CYB5R3: variants seen among roughly 807,000 people sequenced by gnomAD.
The protein encoded by CYB5R3 is cytochrome b5 reductase 3, also known as NADH-cytochrome b5 reductase 3.
CYB5R3 carries 28 observed loss-of-function variants against 36.5 expected under a neutral mutation model. The ratio of observed to expected loss-of-function variants is 0.77; its 90% CI spans 0.57 to 1.05. The LOEUF is 1.05. Ranked by LOEUF, CYB5R3 falls within the 50% of genes least tolerant of loss-of-function variation. The probability of loss-of-function intolerance (pLI) is 0.00; values close to 1 mark genes in which losing one functional copy is unlikely to be tolerated. For missense variants in CYB5R3, 474 were observed against 408.9 expected (o/e 1.16, Z -1.37); for synonymous variants, 181 against 159.8 (o/e 1.13, Z -1.00).
intron 7 of CYB5R3, among the ~76,000 whole-genome samples, chr22:42,625,826 T>A (rs895556257): frequency 5.9e-5 from 9 of 152,210 alleles, no homozygotes; most frequent in Non-Finnish European, 1.3e-4. Flanking sequence ...CATATAATAC[T>A]GAGACACTGG....
chr22:42,641,147 G>A (rs755653839), intron 1 of CYB5R3, among the ~76,000 whole-genome samples: 4 of 151,312 alleles, frequency 2.6e-5, no homozygotes, highest in Non-Finnish European at 2.9e-5. Context: ...GAGCCACCAC[G>A]CCCGGCCCCT....
At chr22:42,638,405 A>AAAG (rs1371536893) in intron 1 of CYB5R3, among the ~76,000 whole-genome samples, 3 of 148,772 alleles carry the variant, frequency 2.0e-5, no homozygotes, top group African/African-American at 7.4e-5. Flanking sequence ...TCAAAAAAAA[A>AAAG]AAAAAAAAAA....
At chr22:42,642,318 T>C (rs1021393808) in intron 1 of CYB5R3, among the ~76,000 whole-genome samples, 10 of 152,196 alleles carry the variant, frequency 6.6e-5, no homozygotes, top group Admixed American at 5.2e-4. Flanking sequence ...TTCACCATGT[T>C]GCCCAGGCTA....
At chr22:42,648,382 G>A (rs573073088) in intron 1 of CYB5R3, among the ~76,000 whole-genome samples, 2 of 152,288 alleles carry the variant, frequency 1.3e-5, no homozygotes, top group South Asian at 2.1e-4. Context: ...CTCTGCAGCC[G>A]CAGCCTCCAC....
chr22:42,627,440 A>G (rs1569318784), intron 6 of CYB5R3, 51 bp from the exon 7 acceptor site: 2 of 1,581,912 alleles, frequency 1.3e-6, no homozygotes, highest in Admixed American at 3.4e-5. Flanking sequence ...GCCTGTTCAC[A>G]GGCACCGCCC....
rs1166650804 is a variant in CYB5R3 at position 42,631,423 on chromosome 22, G to A, written c.181C>T (p.Arg61Cys). Residue 61 changes from arginine (R) to cysteine (C), a missense_variant, in exon 3 of 9, where the codon CGC becomes TGC. Coordinates refer to ENST00000352397, the MANE Select transcript of CYB5R3 (RefSeq NM_000398.7). ...TGCTGGGGTGACGGCAGGGCAAAGC[G>A]GAAGCGCCGGGTGTCATGGCTGATG... The part of the protein sequence containing the change: ...EIISHDTRRF[R>C]FALPSPQHIL... 12 of 1,551,630 alleles carry A rather than the reference G, an allele frequency of 7.7e-6. No homozygotes were observed. The highest frequency in any genetic ancestry group is 4.8e-5 in the South Asian group (4 of 84,062).
intron 1 of CYB5R3, among the ~76,000 whole-genome samples, chr22:42,638,279 C>T (rs1929006598): frequency 6.6e-6 from 1 of 151,042 alleles, no homozygotes; most frequent in Non-Finnish European, 1.5e-5. Context: ...GCCTGTAATC[C>T]CAGCTACTTG....
intron 1 of CYB5R3, among the ~76,000 whole-genome samples, chr22:42,643,124 C>T (rs1176730145): frequency 6.6e-6 from 1 of 152,206 alleles, no homozygotes; most frequent in Non-Finnish European, 1.5e-5. Flanking sequence ...CCTCTCAAGG[C>T]CTAGCCCCAT....
chr22:42,626,497 T>A (rs1000476358), intron 7 of CYB5R3, among the ~76,000 whole-genome samples: 3 of 152,090 alleles, frequency 2.0e-5, no homozygotes, highest in Non-Finnish European at 1.5e-5. Context: ...CTCCACAGAC[T>A]CTGAACCAGC....
At chr22:42,643,138 C>T (rs1348257141) in intron 1 of CYB5R3, among the ~76,000 whole-genome samples, 1 of 152,190 alleles carries the variant, frequency 6.6e-6, no homozygotes, top group Non-Finnish European at 1.5e-5. Flanking sequence ...GCCCCATTGC[C>T]CCTCCCCTTC....
intron 1 of CYB5R3, 49 bp downstream of exon 1, chr22:42,649,246 C>A: frequency 3.0e-6 from 2 of 656,270 alleles, no homozygotes; most frequent in South Asian, 1.0e-4. Context: ...GCCGCCGGGT[C>A]CCAGTCCCTC....
intron 2 of CYB5R3, chr22:42,633,431 G>C (rs1274151711): frequency 2.6e-5 from 4 of 152,294 alleles, no homozygotes; most frequent in Admixed American, 1.3e-4. Context: ...AGGGGTGGAG[G>C]TCATACCTTA....
rs536377833 is a variant in CYB5R3 at position 42,648,770 on chromosome 22, A to G, written c.21+525T>C. Among the ~76,000 whole-genome samples, 6 of 152,206 alleles carry G rather than the reference A, an allele frequency of 3.9e-5. No homozygotes were observed. In the East Asian group the frequency reaches 1.2e-3, roughly 29 times the overall value. ...GTTGCTAAACGTGCAAAACCCTCTG[A>G]CATAGTGACATCGCACACACACACA... On this transcript the variant is annotated intron_variant, in intron 1 of 8. Coordinates refer to ENST00000352397, the MANE Select transcript of CYB5R3 (RefSeq NM_000398.7).
At position 42,628,145 on chromosome 22, in the gene CYB5R3, G is replaced by A. The variant is rs753088367; in HGVS notation, c.463+7C>T. On this transcript the variant is annotated splice_region_variant and intron_variant, in intron 5 of 8. Coordinates refer to ENST00000352397, the MANE Select transcript of CYB5R3 (RefSeq NM_000398.7). The stretch of plus-strand genomic sequence containing the variant: ...CCGTGTAACCAAGGGATTCCGACCC[G>A]AATCACCTTTGCCCTGGTAGACCAG... 8.7e-6 allele frequency: 14 copies of A among 1,613,764 alleles called. No individual in the cohort carries two copies. Among genetic ancestry groups the A allele is most frequent in the Middle Eastern group, 3.3e-4 (2 of 6,084 alleles).
chr22:42,641,543 T>G (rs1303923841), intron 1 of CYB5R3, among the ~76,000 whole-genome samples: 1 of 152,126 alleles, frequency 6.6e-6, no homozygotes, highest in African/African-American at 2.4e-5. Context: ...TGGAGTGCAG[T>G]GGTGAGATCT....
At position 42,645,596 on chromosome 22, in the gene CYB5R3, C is replaced by A. The variant is rs192127644; in HGVS notation, c.21+3699G>T. ...CAGCAGATGAGAGTCAAGGACCTTC[C>A]TTCCAGTGTCTGCTCCCAACAACAG... On this transcript the variant is annotated intron_variant, in intron 1 of 8. Transcript: ENST00000352397. Among the ~76,000 whole-genome samples, 390 of 152,238 alleles carry A rather than the reference C, an allele frequency of 2.6e-3. 2 individuals are homozygous for A. Among genetic ancestry groups the A allele is most frequent in the Non-Finnish European group, 3.6e-3 (243 of 68,012 alleles).
At position 42,637,661 on chromosome 22, in the gene CYB5R3, CA is replaced by C. The variant is rs558168981; in HGVS notation, c.22-816del. Among the ~76,000 whole-genome samples, 363 of 152,274 alleles carry C rather than the reference CA, an allele frequency of 2.4e-3. 8 individuals are homozygous for C. Among genetic ancestry groups the C allele is most frequent in the Admixed American group, 0.023 (347 of 15,292 alleles). ...GCTGAGACCCTACAGCTCAGATCAC[CA>C]AAGCCAACAGCCTCTGGGATCCCAG... On this transcript the variant is annotated intron_variant, in intron 1 of 8. Transcript: ENST00000352397.
In CYB5R3 at chr22:42,644,468, G is replaced by A. The variant is rs8190406; in HGVS notation, c.21+4827C>T. On this transcript the variant is annotated intron_variant, in intron 1 of 8. Coordinates refer to ENST00000352397, the MANE Select transcript of CYB5R3 (RefSeq NM_000398.7). The stretch of plus-strand genomic sequence containing the variant: ...ATATGCTCTCCTCTCTGCCCCAAAT[G>A]TCCTTGCTCTGCATGCATCCAACCA... The A allele has an allele frequency of 2.5e-3, 2,205 of 898,252 alleles. 26 individuals are homozygous for A. In the African/African-American group the frequency reaches 0.031, roughly 13 times the overall value. The allele number at this position is 898,252 out of a possible 1,614,324, so 55.6% of individuals were successfully genotyped here. A position where few individuals can be genotyped will look rare whatever the true frequency, so the allele number is the denominator to read the frequency against.
Position 42,644,374 on chromosome 22 carries a change from C to G in CYB5R3, c.21+4921G>C, listed in dbSNP as rs373306542. ...ACCTGAAGGCACCCTCTCTATGGCCCCAACTCTGGACTCACCTCCCAGCTC... is the reference window on the plus strand; with the variant it reads ...ACCTGAAGGCACCCTCTCTATGGCCGCAACTCTGGACTCACCTCCCAGCTC... On this transcript the variant is annotated intron_variant, in intron 1 of 8. Coordinates refer to ENST00000352397, the MANE Select transcript of CYB5R3 (RefSeq NM_000398.7). The G allele has an allele frequency of 1.5e-4, 103 of 706,528 alleles. No homozygotes were observed. In the African/African-American group the frequency reaches 1.6e-3, roughly 11 times the overall value. 43.8% of individuals were successfully genotyped at this position (706,528 alleles called of 1,614,324 possible).
Sources: gnomAD v4.1 joint callset for allele counts (sites outside exome capture counted in the v4.1 genomes callset) on GRCh38, gnomAD v4.1.1 for gene constraint, MANE v1.5 for transcripts, NCBI Gene and HGNC (gene_info 2026-07-23, HGNC 2026-07-21) for gene names.